CREB5: variants seen among roughly 807,000 people sequenced by gnomAD.
CREB5 encodes cAMP responsive element binding protein 5, also known as cyclic AMP-responsive element-binding protein 5.
In CREB5, 19 loss-of-function variants were observed where a neutral mutation model predicts 57.1. The ratio of observed to expected loss-of-function variants is 0.33; its 90% CI spans 0.23 to 0.49. The LOEUF (loss-of-function observed/expected upper bound fraction) is 0.49. Among genes scored for constraint, CREB5 ranks in the 20% least tolerant of loss-of-function variants. The probability of loss-of-function intolerance (pLI) is 0.99; values close to 1 mark genes in which losing one functional copy is unlikely to be tolerated. For missense variants in CREB5, 579 were observed against 671.6 expected (o/e 0.86, Z 1.52); for synonymous variants, 238 against 238.3 (o/e 1.00, Z 0.01).
At chr7:28,678,493 A>T (rs1184142089) in intron 5 of CREB5, among the ~76,000 whole-genome samples, 1 of 152,246 alleles carries the variant, frequency 6.6e-6, no homozygotes, top group Admixed American at 6.5e-5. Flanking sequence ...ATACCAAAGC[A>T]TTTAAAAGAG....
rs139013176 is a variant in CREB5, at chr7:28,422,851, C to G, written c.3+9934C>G. ...TGCCTGTTTGCCCAATAGCCCATAC[C>G]TAGACAACCACTGATTAATAACACC... On this transcript the variant is annotated intron_variant, in intron 1 of 10. Transcript: ENST00000357727. Among the ~76,000 whole-genome samples, 42 of 152,204 alleles carry G rather than the reference C, an allele frequency of 2.8e-4. No individual in the cohort carries two copies. In the East Asian group the frequency reaches 7.9e-3, roughly 29 times the overall value.
chr7:28,483,633 C>T (rs994596020), intron 1 of CREB5, among the ~76,000 whole-genome samples: 4 of 152,126 alleles, frequency 2.6e-5, no homozygotes, highest in South Asian at 2.1e-4. Context: ...CCAAAGGTAT[C>T]GGACTACTCA....
In CREB5 at chr7:28,312,523, G is replaced by A. The variant is rs73080565; in HGVS notation, c.-25+13082G>A. Among the ~76,000 whole-genome samples, 435 of 152,130 alleles carry A rather than the reference G, an allele frequency of 2.9e-3. 3 individuals carry two copies. The highest frequency in any genetic ancestry group is 0.01 in the African/African-American group (419 of 41,464). On this transcript the variant is annotated intron_variant, in intron 1 of 9. Transcript: ENST00000396299. ...CTGGTGTACAAAGGGGGAGGGAAGC[G>A]GGTGGAGGCGAAGGAACGTGGGTGC... is the stretch of plus-strand genomic sequence containing the variant.
chr7:28,520,552 T>C (rs540585011), intron 4 of CREB5, among the ~76,000 whole-genome samples: 9 of 152,380 alleles, frequency 5.9e-5, no homozygotes, highest in Admixed American at 5.2e-4. Context: ...TCTGTGTCAC[T>C]GGGCTGACTG....
chr7:28,449,059 T>C (rs889230119), intron 1 of CREB5, among the ~76,000 whole-genome samples: 1 of 151,842 alleles, frequency 6.6e-6, no homozygotes, highest in African/African-American at 2.4e-5. Context: ...ATTTGCCTCC[T>C]CTTTATTTTG....
At chr7:28,560,891 T>TGCGCGCGCGCGTGC (rs1314317818) in intron 4 of CREB5, among the ~76,000 whole-genome samples, 1 of 19,726 alleles carries the variant, frequency 5.1e-5, no homozygotes, top group Non-Finnish European at 9.3e-5. Context: ...TGCGTGCGTG[T>TGCGCGCGCGCGTGC]GTGTGCGTGC....
Position 28,505,227 on chromosome 7 carries a change from C to T in CREB5, c.170-2389C>T, listed in dbSNP as rs563231316. 1.4e-3 allele frequency among the ~76,000 whole-genome samples: 208 copies of T among 152,276 alleles called. 1 individual carries two copies. Among genetic ancestry groups the T allele is most frequent in the Non-Finnish European group, 2.4e-3 (164 of 68,014 alleles). On this transcript the variant is annotated intron_variant, in intron 3 of 10. Coordinates refer to ENST00000357727, the MANE Select transcript of CREB5 (RefSeq NM_182898.4). ...ACGCACACACACACACATGCACACA[C>T]GCACGCACACACGCACATACACCCT...
chr7:28,436,519 T>C (rs1252842021), intron 1 of CREB5, among the ~76,000 whole-genome samples: 1 of 152,116 alleles, frequency 6.6e-6, no homozygotes, highest in African/African-American at 2.4e-5. Context: ...TTTGGAGGGG[T>C]AGAAAAGTTT....
At chr7:28,642,987 T>TACACACATAC (rs1562544746) in intron 5 of CREB5, among the ~76,000 whole-genome samples, 4,459 of 98,440 alleles carry the variant, frequency 0.045, 78 homozygotes, top group Non-Finnish European at 0.06. Flanking sequence ...CACACACACA[T>TACACACATAC]ACACACACAC....
chr7:28,574,525 A>G (rs1427749270), intron 5 of CREB5, among the ~76,000 whole-genome samples: 1 of 152,226 alleles, frequency 6.6e-6, no homozygotes, highest in Non-Finnish European at 1.5e-5. Context: ...ATTCTTCTTT[A>G]TGGATAAGTG....
intron 5 of CREB5, among the ~76,000 whole-genome samples, chr7:28,626,768 A>C (rs762738320): frequency 3.3e-5 from 5 of 152,186 alleles, no homozygotes; most frequent in Non-Finnish European, 7.3e-5. Context: ...CTCATGCTCC[A>C]TGGAAAGGCA....
At chr7:28,738,878 C>T (rs1804184062) in intron 7 of CREB5, among the ~76,000 whole-genome samples, 1 of 152,176 alleles carries the variant, frequency 6.6e-6, no homozygotes, top group Non-Finnish European at 1.5e-5. Context: ...GCAATCAGTT[C>T]ATTCATTCAT....
At chr7:28,588,278 A>T (rs1412701392) in intron 5 of CREB5, among the ~76,000 whole-genome samples, 1 of 152,214 alleles carries the variant, frequency 6.6e-6, no homozygotes, top group Non-Finnish European at 1.5e-5. Flanking sequence ...AAAACAATAT[A>T]AGGCCTCTGC....
At chr7:28,454,039 C>T (rs1789974554) in intron 1 of CREB5, among the ~76,000 whole-genome samples, 1 of 151,062 alleles carries the variant, frequency 6.6e-6, no homozygotes, top group South Asian at 2.1e-4. Context: ...CTGTAAGCTC[C>T]GCCTCCTGGA....
intron 1 of CREB5, among the ~76,000 whole-genome samples, chr7:28,393,413 T>C (rs1787263542): frequency 6.6e-6 from 1 of 152,212 alleles, no homozygotes; most frequent in Admixed American, 6.5e-5. Flanking sequence ...ATTTAAACTT[T>C]TCTTGGTTAC....
chr7:28,602,021 C>G (rs1796937445), intron 5 of CREB5, among the ~76,000 whole-genome samples: 1 of 148,786 alleles, frequency 6.7e-6, no homozygotes, highest in Non-Finnish European at 1.5e-5. Context: ...CAATTAATTT[C>G]TGAATACATT....
chr7:28,692,718 G>A (rs188912734), intron 5 of CREB5, among the ~76,000 whole-genome samples: 4 of 152,198 alleles, frequency 2.6e-5, no homozygotes, highest in Middle Eastern at 3.4e-3. Flanking sequence ...GCAGTGAGCC[G>A]AGATCGCACC....
intron 5 of CREB5, among the ~76,000 whole-genome samples, chr7:28,592,960 C>T (rs1360383789): frequency 6.6e-6 from 1 of 152,222 alleles, no homozygotes; most frequent in Non-Finnish European, 1.5e-5. Context: ...TCATGTAAAT[C>T]ATAAATGGCA....
At chr7:28,539,799 C>T (rs1169010127) in intron 4 of CREB5, among the ~76,000 whole-genome samples, 1 of 152,188 alleles carries the variant, frequency 6.6e-6, no homozygotes, top group Non-Finnish European at 1.5e-5. Flanking sequence ...ACAAAACCTG[C>T]CTTCGTCACC....
Sources: allele counts gnomAD v4.1 joint callset (sites outside exome capture counted in the v4.1 genomes callset), GRCh38; gene constraint gnomAD v4.1.1; transcripts MANE v1.5; gene names NCBI Gene and HGNC (gene_info 2026-07-23, HGNC 2026-07-21).